The following AXDND1 variants were observed in gnomAD, a reference collection of about 807,000 sequenced individuals.
The protein encoded by AXDND1 is axonemal dynein light chain domain-containing protein 1.
Under a neutral mutation model 137.5 loss-of-function variants are expected in AXDND1, and 110 were observed. That is an observed-to-expected ratio of 0.80 (90% CI 0.69 to 0.94). The LOEUF (loss-of-function observed/expected upper bound fraction) is 0.94. Ranked by LOEUF, AXDND1 falls within the 40% of genes least tolerant of loss-of-function variation. AXDND1 has a pLI of 0.00. For synonymous variants in AXDND1, 414 were observed against 399.7 expected (o/e 1.04, Z -0.43); for missense variants, 1,191 against 1,169.8 (o/e 1.02, Z -0.26).
intron 16 of AXDND1, chr1:179,448,439 AT>A: frequency 1.5e-5 from 8 of 541,522 alleles, no homozygotes; most frequent in Non-Finnish European, 2.4e-5. Flanking sequence ...CTTCTGCACC[AT>A]TTTCAGCCAC....
intron 15 of AXDND1, 72 bp downstream of exon 15, chr1:179,432,414 G>A (rs1657511901): frequency 7.0e-7 from 1 of 1,431,998 alleles, no homozygotes; most frequent in Non-Finnish European, 9.2e-7. Context: ...ACCTACAACT[G>A]AGGCACATCC....
intron 4 of AXDND1, among the ~76,000 whole-genome samples, chr1:179,370,986 G>C (rs976355413): frequency 6.6e-6 from 1 of 152,158 alleles, no homozygotes; most frequent in Non-Finnish European, 1.5e-5. Flanking sequence ...TTGTCCTATT[G>C]ATTTTTATGT....
chr1:179,371,008 ATATTT>A (rs1451019534), intron 4 of AXDND1, among the ~76,000 whole-genome samples: 1 of 152,222 alleles, frequency 6.6e-6, no homozygotes, highest in Non-Finnish European at 1.5e-5. Flanking sequence ...CTGAGGCTTT[ATATTT>A]TATTCTATGC....
At chr1:179,388,807 GCTAGT>G (rs1266998627) in intron 9 of AXDND1, among the ~76,000 whole-genome samples, 1 of 150,580 alleles carries the variant, frequency 6.6e-6, no homozygotes, top group African/African-American at 2.4e-5. Flanking sequence ...TATTGGCCAG[GCTAGT>G]CTTGAACTCC....
At chr1:179,549,824 T>C (rs999022489) in intron 25 of AXDND1, among the ~76,000 whole-genome samples, 2 of 152,116 alleles carry the variant, frequency 1.3e-5, no homozygotes, top group East Asian at 1.9e-4. Context: ...CTGATTGCCA[T>C]TGACCCTTTA....
chr1:179,385,245 A>G lies in AXDND1; in HGVS notation c.749A>G (p.Lys250Arg). The change falls in exon 9 of 26, where the codon AAA becomes AGA. Residue 250 changes from lysine to arginine, a missense_variant. Transcript: ENST00000367618. ...TTACTTACCTTCTGACAGATGCACA[A>G]ACTACTACATATATTGAAGAAGGAA... ...QEYTGPTKMH[K>R]LLHILKKEQT... 1 of 1,609,864 alleles carries G rather than the reference A, an allele frequency of 6.2e-7. No individual in the cohort carries two copies. The highest frequency in any genetic ancestry group is 8.5e-7 in the Non-Finnish European group (1 of 1,176,214).
intron 12 of AXDND1, among the ~76,000 whole-genome samples, chr1:179,424,973 G>A (rs1170732749): frequency 1.3e-5 from 2 of 152,100 alleles, no homozygotes; most frequent in Non-Finnish European, 2.9e-5. Context: ...AGATCACTGA[G>A]TTTTCTTAAA....
intron 16 of AXDND1, among the ~76,000 whole-genome samples, chr1:179,462,472 A>G (rs1209914310): frequency 6.8e-6 from 1 of 146,010 alleles, no homozygotes; most frequent in East Asian, 2.2e-4. Context: ...GGATTTTTGC[A>G]TCGATGTTAT....
chr1:179,464,483 C>T (rs12140127), intron 16 of AXDND1, among the ~76,000 whole-genome samples: 25,547 of 152,126 alleles, frequency 0.17, 2,502 homozygotes, highest in East Asian at 0.35. Context: ...CCAAGAGATC[C>T]GCTTTTAATC....
chr1:179,420,990 T>A (rs557028724), intron 12 of AXDND1, among the ~76,000 whole-genome samples: 2 of 152,204 alleles, frequency 1.3e-5, no homozygotes, highest in Non-Finnish European at 2.9e-5. Flanking sequence ...TCCTGTGGTC[T>A]CAGTTGTTAC....
chr1:179,552,179 G>A (rs1673384579), intron 25 of AXDND1: 2 of 225,690 alleles, frequency 8.9e-6, no homozygotes, highest in African/African-American at 4.5e-5. Context: ...CTTGGCTCTA[G>A]CATTGAGGGA....
At position 179,448,245 on chromosome 1, in the gene AXDND1, G is replaced by A. The variant is rs1031660793; in HGVS notation, c.1798+3041G>A. ...GCTTTCATAAGGTTAATTATATTCT[G>A]TATACTTGAGAAGAACTTTGTCCAT... On this transcript the variant is annotated intron_variant, in intron 16 of 25. Transcript: ENST00000367618. The A allele has an allele frequency of 1.3e-4, 105 of 789,116 alleles. 1 individual carries two copies. Among genetic ancestry groups the A allele is most frequent in the Middle Eastern group, 1.2e-3 (5 of 4,200 alleles). The allele number at this position is 789,116 out of a possible 1,614,324, so 48.9% of individuals were successfully genotyped here.
At chr1:179,456,099 A>G in intron 16 of AXDND1, 1 of 505,134 alleles carries the variant, frequency 2.0e-6, no homozygotes, top group South Asian at 1.5e-5. Context: ...TGTCTAAAAT[A>G]TGTCTTCTTT....
At chr1:179,536,355 T>G (rs1325362511) in intron 25 of AXDND1, among the ~76,000 whole-genome samples, 3 of 152,364 alleles carry the variant, frequency 2.0e-5, no homozygotes, top group Middle Eastern at 3.4e-3. Flanking sequence ...GTCTTACATT[T>G]AAGTCTTTAA....
At chr1:179,478,758 TG>T (rs1370221157) in intron 17 of AXDND1, among the ~76,000 whole-genome samples, 1 of 152,268 alleles carries the variant, frequency 6.6e-6, no homozygotes, top group East Asian at 1.9e-4. Flanking sequence ...TCTATTGCAT[TG>T]TCAGGCTGCA....
chr1:179,381,943 A>ATTTTTTTTTTTTTT (rs71111920), intron 6 of AXDND1, among the ~76,000 whole-genome samples: 12 of 105,432 alleles, frequency 1.1e-4, no homozygotes, highest in African/African-American at 1.9e-4. Context: ...ACCACACCTA[A>ATTTTTTTTTTTTTT]TTTTTTTTTT....
intron 25 of AXDND1, among the ~76,000 whole-genome samples, chr1:179,542,176 G>A (rs189205229): frequency 2.5e-4 from 38 of 152,260 alleles, no homozygotes; most frequent in Admixed American, 2.4e-3. Flanking sequence ...AATTAGTGCT[G>A]CAATATGCCC....
intron 12 of AXDND1, among the ~76,000 whole-genome samples, chr1:179,421,238 A>G (rs1655661513): frequency 6.6e-6 from 1 of 151,474 alleles, no homozygotes; most frequent in Non-Finnish European, 1.5e-5. Context: ...TAAATTTCGA[A>G]GTCAGGTAGT....
At chr1:179,456,252 C>G (rs1661387255) in intron 16 of AXDND1, 2 of 742,108 alleles carry the variant, frequency 2.7e-6, no homozygotes, top group African/African-American at 1.7e-5. Flanking sequence ...ATAGCTACTG[C>G]TGCTACTGGA....
Sources: allele counts gnomAD v4.1 joint callset (sites outside exome capture counted in the v4.1 genomes callset), GRCh38; gene constraint gnomAD v4.1.1; transcripts MANE v1.5; gene names NCBI Gene and HGNC (gene_info 2026-07-23, HGNC 2026-07-21).